The following AGGF1 variants were observed in gnomAD, a reference collection of about 807,000 sequenced individuals.
AGGF1 encodes angiogenic factor with G patch and FHA domains 1.
In AGGF1, 56 loss-of-function variants were observed where a neutral mutation model predicts 86.5. The ratio of observed to expected loss-of-function variants is 0.65; its 90% CI spans 0.52 to 0.81. The LOEUF is 0.81. AGGF1 is among the 30% of genes least tolerant of loss of function. AGGF1 has a pLI of 0.00. For missense variants in AGGF1, 816 were observed against 850.9 expected (o/e 0.96, Z 0.51); for synonymous variants, 313 against 297.1 (o/e 1.05, Z -0.55).
At position 77,040,170 on chromosome 5, in the gene AGGF1, G is replaced by A. The variant is rs529988940; in HGVS notation, c.870+451G>A. ...GTTGCCCGGGCTGGAATGCAATGGCGTGATCTCAGCTCACCGCAACCTCCG... is the reference window on the plus strand; with the variant it reads ...GTTGCCCGGGCTGGAATGCAATGGCATGATCTCAGCTCACCGCAACCTCCG... On this transcript the variant is annotated intron_variant, in intron 5 of 13. Coordinates refer to ENST00000312916, the MANE Select transcript of AGGF1 (RefSeq NM_018046.5). Among the ~76,000 whole-genome samples, 63 of 150,286 alleles carry A rather than the reference G, an allele frequency of 4.2e-4. 1 individual carries two copies. The South Asian group carries it at 6.9e-3, about 17-fold the overall frequency.
intron 11 of AGGF1, among the ~76,000 whole-genome samples, chr5:77,057,143 C>G (rs936054926): frequency 4.6e-5 from 7 of 152,202 alleles, no homozygotes; most frequent in Non-Finnish European, 8.8e-5. Context: ...AACTAGAAAT[C>G]TCATACACTG....
intron 11 of AGGF1, among the ~76,000 whole-genome samples, chr5:77,058,474 A>C (rs1036109030): frequency 1.3e-5 from 2 of 152,124 alleles, no homozygotes; most frequent in Admixed American, 6.5e-5. Flanking sequence ...TGTTTTACTT[A>C]GGTAGAGAAA....
chr5:77,048,966 C>A lies in AGGF1; in HGVS notation c.1344C>A (p.Ile448=). 1 of 1,613,762 alleles carries A rather than the reference C, an allele frequency of 6.2e-7. No homozygotes were observed. The highest frequency in any genetic ancestry group is 8.5e-7 in the Non-Finnish European group (1 of 1,179,856). ...AGGATATGGAACATACTCTCCGAAT[C>A]CCTGAAGTTGGTGTCAGTAAGGTAA... ...REKDMEHTLR[I]PEVGVSKFHA... is the part of the protein sequence containing the mutation. The change falls in exon 8 of 14, where the codon ATC becomes ATA. Residue 448 remains isoleucine, a synonymous_variant. Transcript: ENST00000312916.
At chr5:77,044,608 TA>T (rs1561287079) in intron 5 of AGGF1, among the ~76,000 whole-genome samples, 1 of 152,186 alleles carries the variant, frequency 6.6e-6, no homozygotes, top group Non-Finnish European at 1.5e-5. Context: ...CAGTAAGTAA[TA>T]AATATACAAG....
Position 77,061,799 on chromosome 5 carries a change from G to A in AGGF1, c.1941G>A (p.Thr647=), listed in dbSNP as rs771909682. The A allele has an allele frequency of 8.1e-6, 13 of 1,610,186 alleles. No individual in the cohort carries two copies. The highest frequency in any genetic ancestry group is 1.3e-5 in the African/African-American group (1 of 74,816). ...GLGKDGGGMK[T]PIQLQLRRTH... ...GGAAGGATGGTGGAGGAATGAAAAC[G>A]CCGGTAAGACTTGGATTTTCTTTTA... The change falls in exon 13 of 14, where the codon ACG becomes ACA. Residue 647 remains threonine (T), a synonymous_variant. Transcript: ENST00000312916.
At chr5:77,032,251 G>GGAAAAA (rs777510199) in intron 1 of AGGF1, among the ~76,000 whole-genome samples, 2 of 25,032 alleles carry the variant, frequency 8.0e-5, no homozygotes, top group Admixed American at 5.7e-4. Flanking sequence ...TACAAATATG[G>GGAAAAA]TAAAAAAAAA....
intron 4 of AGGF1, among the ~76,000 whole-genome samples, chr5:77,038,372 G>GT (rs765912756): frequency 1.3e-5 from 2 of 152,258 alleles, no homozygotes; most frequent in Admixed American, 1.3e-4. Context: ...CAGTTGTTTT[G>GT]TAAATGGTTA....
At chr5:77,045,475 T>C (rs1463007770) in intron 5 of AGGF1, among the ~76,000 whole-genome samples, 1 of 152,222 alleles carries the variant, frequency 6.6e-6, no homozygotes, top group East Asian at 1.9e-4. Context: ...TCATTTATTA[T>C]AAGGCATATC....
intron 1 of AGGF1, among the ~76,000 whole-genome samples, chr5:77,031,784 A>G (rs1264654424): frequency 2.0e-5 from 3 of 152,062 alleles, no homozygotes; most frequent in Non-Finnish European, 4.4e-5. Flanking sequence ...GGCACCTGGA[A>G]TCGCAGCTAG....
In AGGF1 at chr5:77,063,090, G is replaced by A. The variant is rs1282684403; in HGVS notation, c.1983G>A (p.Gly661=). 4 of 1,614,022 alleles carry A rather than the reference G, an allele frequency of 2.5e-6. No homozygotes were observed. Among genetic ancestry groups the A allele is most frequent in the South Asian group, 1.1e-5 (1 of 91,074 alleles). Residue 661 remains glycine (G), a synonymous_variant, in exon 14 of 14, where the codon GGG becomes GGA. Coordinates refer to ENST00000312916, the MANE Select transcript of AGGF1 (RefSeq NM_018046.5). ...LQLRRTHAGL[G]TGKPSSFEDV... The stretch of plus-strand genomic sequence containing the variant: ...TTCGGCGAACACATGCAGGCTTGGG[G>A]ACAGGCAAACCATCCTCATTTGAAG...
intron 10 of AGGF1, among the ~76,000 whole-genome samples, chr5:77,054,904 C>T (rs1376276844): frequency 1.3e-5 from 2 of 151,964 alleles, no homozygotes; most frequent in East Asian, 1.9e-4. Flanking sequence ...ATTGATAGCT[C>T]GTGCTGTATA....
Position 77,054,121 on chromosome 5 carries a change from G to A in AGGF1, c.1624G>A (p.Glu542Lys), listed in dbSNP as rs751628797. 1 of 1,613,988 alleles carries A rather than the reference G, an allele frequency of 6.2e-7. No homozygotes were observed. Among genetic ancestry groups the A allele is most frequent in the East Asian group, 2.2e-5 (1 of 44,880 alleles). The stretch of plus-strand genomic sequence containing the variant: ...CCACCTTCGCCTTGATAAGAAAGAT[G>A]AATCTTTTGGTATGTGAAACAGATT... Reference protein sequence around the residue: ...RAHLRLDKKDESFVGPTLSKE... With the variant: ...RAHLRLDKKDKSFVGPTLSKE... The change falls in exon 10 of 14, where the codon GAA (glutamate) becomes AAA (lysine). Residue 542 changes from glutamate to lysine, a missense_variant. Coordinates refer to ENST00000312916, the MANE Select transcript of AGGF1 (RefSeq NM_018046.5).
At position 77,030,550 on chromosome 5, in the gene AGGF1, C is replaced by G; in HGVS notation, c.-217C>G. The G allele has an allele frequency of 2.9e-6, 2 of 700,746 alleles. No homozygotes were observed. The highest frequency in any genetic ancestry group is 5.2e-6 in the Non-Finnish European group (2 of 386,536). 43.4% of individuals were successfully genotyped at this position (700,746 alleles called of 1,614,324 possible). A position where few individuals can be genotyped will look rare whatever the true frequency, so the allele number is the denominator to read the frequency against. The stretch of plus-strand genomic sequence containing the variant: ...TTTCCGGTTTGCAGGCCGCGCACAT[C>G]GGGCAGGGGCCATCCTCGGTCCCCT... On this transcript the variant is annotated 5_prime_UTR_variant, in exon 1 of 14. The change creates a new upstream start codon in the 5' untranslated region. Coordinates refer to ENST00000312916, the MANE Select transcript of AGGF1 (RefSeq NM_018046.5).
At chr5:77,049,691 A>G (rs937516760) in intron 8 of AGGF1, among the ~76,000 whole-genome samples, 3 of 151,890 alleles carry the variant, frequency 2.0e-5, no homozygotes, top group Admixed American at 1.3e-4. Context: ...CTGGGACTAC[A>G]GGCATACTCT....
At chr5:77,043,398 G>GGGGCGGCT (rs1747167762) in intron 5 of AGGF1, among the ~76,000 whole-genome samples, 1 of 63,150 alleles carries the variant, frequency 1.6e-5, no homozygotes, top group Non-Finnish European at 3.3e-5. Flanking sequence ...GCGGCTGGCC[G>GGGGCGGCT]GGCAGAGGGG....
At chr5:77,045,079 A>AG (rs1023875014) in intron 5 of AGGF1, among the ~76,000 whole-genome samples, 1 of 151,244 alleles carries the variant, frequency 6.6e-6, no homozygotes, top group African/African-American at 2.4e-5. Context: ...AAAAAAAAAA[A>AG]GAAAGAAAGG....
chr5:77,059,176 A>T (rs1389434620), intron 11 of AGGF1, among the ~76,000 whole-genome samples: 1 of 152,216 alleles, frequency 6.6e-6, no homozygotes, highest in African/African-American at 2.4e-5. Context: ...AGTAGTTCAT[A>T]TGACAAGATG....
Position 77,030,431 on chromosome 5 carries a change from C to T in AGGF1, c.-336C>T, listed in dbSNP as rs756684584. 5.0e-5 allele frequency: 26 copies of T among 522,658 alleles called. No individual in the cohort carries two copies. Among genetic ancestry groups the T allele is most frequent in the South Asian group, 4.0e-4 (26 of 65,198 alleles). 32.4% of individuals were successfully genotyped at this position (522,658 alleles called of 1,614,324 possible). A position where few individuals can be genotyped will look rare whatever the true frequency, so the allele number is the denominator to read the frequency against. On this transcript the variant is annotated 5_prime_UTR_variant, in exon 1 of 14. Coordinates refer to ENST00000312916, the MANE Select transcript of AGGF1 (RefSeq NM_018046.5). ...CGTTGTTTCCGGCTCAACTGGGGAG[C>T]TGCTGGAGCTCTTCTGGCCTCTGGT...
intron 11 of AGGF1, 36 bp downstream of exon 11, chr5:77,055,632 G>A (rs765111193): frequency 5.3e-5 from 76 of 1,434,582 alleles, no homozygotes; most frequent in Middle Eastern, 5.3e-4. Flanking sequence ...TTGTTAAGCT[G>A]TATATCTGGT....
Sources: allele counts gnomAD v4.1 joint callset (sites outside exome capture counted in the v4.1 genomes callset), GRCh38; gene constraint gnomAD v4.1.1; transcripts MANE v1.5; gene names NCBI Gene and HGNC (gene_info 2026-07-23, HGNC 2026-07-21).